Variants in CAMK2G observed in about 807,000 individuals in gnomAD.
The protein encoded by CAMK2G is calcium/calmodulin-dependent protein kinase type II subunit gamma.
Under a neutral mutation model 88.7 loss-of-function variants are expected in CAMK2G, and 23 were observed. That is an observed-to-expected ratio of 0.26 (90% CI 0.19 to 0.37). The LOEUF (loss-of-function observed/expected upper bound fraction) is 0.37, where lower values mean the gene tolerates loss of function less well. Among genes scored for constraint, CAMK2G ranks in the 10% least tolerant of loss-of-function variants. CAMK2G has a pLI of 1.00. For missense variants in CAMK2G, 476 were observed against 780.8 expected (o/e 0.61, Z 4.65); for synonymous variants, 263 against 294.8 (o/e 0.89, Z 1.11).
chr10:73,849,158 A>G (rs759912303), intron 6 of CAMK2G, 43 bp from the exon 7 acceptor site: 2 of 1,583,668 alleles, frequency 1.3e-6, no homozygotes, highest in East Asian at 4.5e-5. Context: ...CCCACCCTGC[A>G]GCCCAGAGGA....
rs1213329237 is a variant in CAMK2G, at chr10:73,848,108, G to A, written c.602-26C>T. On this transcript the variant is annotated intron_variant, in intron 8 of 22. Coordinates refer to ENST00000423381, the MANE Select transcript of CAMK2G (RefSeq NM_001367534.1). The surrounding 1 kb of genome is among the most constrained non-coding windows in gnomAD (Gnocchi z 4.5). ...CTACGAGACAGAACACACAGGTCATGGGGGTCAGTCGCCTACTTCCCTGAG... is the reference window on the plus strand; with the variant it reads ...CTACGAGACAGAACACACAGGTCATAGGGGTCAGTCGCCTACTTCCCTGAG... 7.2e-7 allele frequency: 1 copy of A among 1,391,056 alleles called. No homozygotes were observed. The highest frequency in any genetic ancestry group is 2.3e-5 in the East Asian group (1 of 43,838). The allele number at this position is 1,391,056 out of a possible 1,614,324, so 86.2% of individuals were successfully genotyped here. A position where few individuals can be genotyped will look rare whatever the true frequency, so the allele number is the denominator to read the frequency against.
At chr10:73,837,253 G>C (rs2093339025) in intron 14 of CAMK2G, 2 of 621,504 alleles carry the variant, frequency 3.2e-6, no homozygotes, top group East Asian at 2.7e-5. Context: ...CACTTCCCCT[G>C]AGTCATTCCC....
chr10:73,860,995 T>C (rs1481742195), intron 2 of CAMK2G, 106 bp from the exon 3 acceptor site: 1 of 805,642 alleles, frequency 1.2e-6, no homozygotes, highest in East Asian at 2.5e-5. Flanking sequence ...GCATTTGTGA[T>C]GATTTGCTGA....
intron 14 of CAMK2G, among the ~76,000 whole-genome samples, chr10:73,833,421 T>TTA (rs1224924402): frequency 2.0e-5 from 3 of 152,160 alleles, no homozygotes; most frequent in Non-Finnish European, 2.9e-5. Flanking sequence ...ACACAGGCTG[T>TTA]TTTAGAAAGG....
intron 15 of CAMK2G, 80 bp downstream of exon 15, chr10:73,828,009 C>G: frequency 1.1e-5 from 12 of 1,105,112 alleles, no homozygotes; most frequent in Non-Finnish European, 1.7e-5. Context: ...GGCACACGCA[C>G]GTGGCAGAAC....
At chr10:73,837,684 T>C (rs2093382873) in intron 13 of CAMK2G, among the ~76,000 whole-genome samples, 173 bp from the exon 14 acceptor site, 1 of 151,966 alleles carries the variant, frequency 6.6e-6, no homozygotes, top group South Asian at 2.1e-4. Flanking sequence ...GGATCTTGAG[T>C]GGCGTCAGAG....
At chr10:73,865,663 G>A (rs558522947) in intron 2 of CAMK2G, among the ~76,000 whole-genome samples, 12 of 152,292 alleles carry the variant, frequency 7.9e-5, no homozygotes, top group Admixed American at 2.6e-4. Context: ...CCAGCTGGAC[G>A]CAGCATCTCC....
intron 3 of CAMK2G, among the ~76,000 whole-genome samples, chr10:73,856,732 T>G (rs1005271066): frequency 2.0e-5 from 3 of 152,216 alleles, no homozygotes; most frequent in Non-Finnish European, 4.4e-5. Flanking sequence ...GAAAGGAGTA[T>G]AAAGCATTTA....
At position 73,815,199 on chromosome 10, in the gene CAMK2G, T is replaced by A. The variant is rs745503479; in HGVS notation, c.1583A>T (p.His528Leu). ...TGCGTCCTCCCCAATCACGTGGACG[T>A]GTGGGTTTAGGATGGTGGTATGGAT... ...KPIHTTILNPHVHVIGEDAAC... is the reference protein window; with the variant it reads ...KPIHTTILNPLVHVIGEDAAC... The change falls in exon 22 of 23, where the codon CAC (histidine) becomes CTC (leucine). Residue 528 changes from histidine (H) to leucine (L), a missense_variant. Transcript: ENST00000423381. 2 of 1,614,210 alleles carry A rather than the reference T, an allele frequency of 1.2e-6. No homozygotes were observed. Among genetic ancestry groups the A allele is most frequent in the Non-Finnish European group, 1.7e-6 (2 of 1,180,008 alleles).
Position 73,848,770 on chromosome 10 carries a change from G to A in CAMK2G, c.518-161C>T, listed in dbSNP as rs78898224. 7.9e-5 allele frequency among the ~76,000 whole-genome samples: 12 copies of A among 152,368 alleles called. No individual in the cohort carries two copies. The East Asian group carries it at 1.2e-3, about 15-fold the overall frequency. ...GCTGACAGGCTGGGCTTCTTGTAGCGCCTGGAATCTGAACCAGACGGCAAA... is the reference window on the plus strand; with the variant it reads ...GCTGACAGGCTGGGCTTCTTGTAGCACCTGGAATCTGAACCAGACGGCAAA... On this transcript the variant is annotated intron_variant, in intron 7 of 22. Coordinates refer to ENST00000423381, the MANE Select transcript of CAMK2G (RefSeq NM_001367534.1). This position sits in a 1 kb window ranked among gnomAD's most constrained non-coding sequence, Gnocchi z 4.5.
At chr10:73,869,468 C>T (rs1253465229) in intron 2 of CAMK2G, among the ~76,000 whole-genome samples, 1 of 152,238 alleles carries the variant, frequency 6.6e-6, no homozygotes, top group African/African-American at 2.4e-5. Flanking sequence ...TGCAGCTTGG[C>T]TCCCTGGATC....
chr10:73,815,080 G>C lies in CAMK2G; in HGVS notation c.1702C>G (p.Arg568Gly). 1 of 1,614,160 alleles carries C rather than the reference G, an allele frequency of 6.2e-7. No homozygotes were observed. Among genetic ancestry groups the C allele is most frequent in the Non-Finnish European group, 8.5e-7 (1 of 1,180,040 alleles). Residue 568 changes from arginine to glycine, a missense_variant, in exon 22 of 23, where the codon CGG becomes GGG. This residue lies in a region of CAMK2G where 278 missense variants were observed against 366.5 expected (regional missense o/e 0.76). Transcript: ENST00000423381. The stretch of plus-strand genomic sequence containing the variant: ...TGGACATTGAGCCACTTGCCATCCC[G>C]ACGGTGCCAGACCCGGGTCTCTTCT... ...QSEETRVWHR[R>G]DGKWLNVHYH...
rs547824559 is a variant in CAMK2G, at chr10:73,873,144, T to C, written c.66-61A>G. On this transcript the variant is annotated intron_variant, in intron 1 of 22. Transcript: ENST00000423381. Reference sequence around the variant, plus strand: ...GCAGGGCAGAGTGACACAGACACACTTCAAGTCTGGGGACGATGATGCTCC... The same window carrying C: ...GCAGGGCAGAGTGACACAGACACACCTCAAGTCTGGGGACGATGATGCTCC... The C allele has an allele frequency of 1.6e-4, 191 of 1,224,550 alleles. 4 individuals carry two copies. The South Asian group carries it at 2.2e-3, about 14-fold the overall frequency. 75.9% of individuals were successfully genotyped at this position (1,224,550 alleles called of 1,614,324 possible).
intron 3 of CAMK2G, among the ~76,000 whole-genome samples, chr10:73,858,945 CGCGGGTGATGTGGACATGGTTCT>C (rs1472785514): frequency 6.6e-6 from 1 of 152,260 alleles, no homozygotes; most frequent in Non-Finnish European, 1.5e-5. Flanking sequence ...CCGCCCGCAT[CGCGGGTGATGTGGACATGGTTCT>C]GCTTCCTGCA....
chr10:73,844,318 C>T lies in CAMK2G; in HGVS notation c.820-1777G>A, dbSNP rs550880955. ...GTTGCCCAGGCTGGTCTCAAACTTC[C>T]GGGCTCAAGTGATCTACCTACCCTG... On this transcript the variant is annotated intron_variant, in intron 10 of 22. Transcript: ENST00000423381. 1.5e-4 allele frequency among the ~76,000 whole-genome samples: 23 copies of T among 151,822 alleles called. No homozygotes were observed. The East Asian group carries it at 3.5e-3, about 23-fold the overall frequency.
intron 16 of CAMK2G, among the ~76,000 whole-genome samples, chr10:73,824,590 C>T (rs2090286194): frequency 6.6e-6 from 1 of 152,244 alleles, no homozygotes; most frequent in Admixed American, 6.5e-5. Flanking sequence ...CCGCCTTCTG[C>T]CTTCCCTAGT....
chr10:73,860,165 T>A (rs924741455), intron 3 of CAMK2G, among the ~76,000 whole-genome samples: 4 of 152,180 alleles, frequency 2.6e-5, no homozygotes, highest in African/African-American at 7.2e-5. Context: ...CCATTTCAGC[T>A]GAACAAAGTA....
At position 73,842,393 on chromosome 10, in the gene CAMK2G, G is replaced by T. The variant is rs970701721; in HGVS notation, c.903+65C>A. 5.3e-6 allele frequency: 7 copies of T among 1,312,804 alleles called. No homozygotes were observed. Among genetic ancestry groups the T allele is most frequent in the Non-Finnish European group, 6.6e-6 (6 of 905,216 alleles). 81.3% of individuals were successfully genotyped at this position (1,312,804 alleles called of 1,614,324 possible). A position where few individuals can be genotyped will look rare whatever the true frequency, so the allele number is the denominator to read the frequency against. On this transcript the variant is annotated intron_variant, in intron 11 of 22. Transcript: ENST00000423381. This position sits in a 1 kb window ranked among gnomAD's most constrained non-coding sequence, Gnocchi z 4.6. ...GGAGGGGAGCTTCCTTCTGAAATGGGGCAGGAGCCACACTGGTGCAAGGCA... is the reference window on the plus strand; with the variant it reads ...GGAGGGGAGCTTCCTTCTGAAATGGTGCAGGAGCCACACTGGTGCAAGGCA...
intron 10 of CAMK2G, among the ~76,000 whole-genome samples, chr10:73,844,477 G>A (rs1590670397): frequency 6.6e-6 from 1 of 151,916 alleles, no homozygotes; most frequent in Non-Finnish European, 1.5e-5. Context: ...TCATTATCTT[G>A]GCTCACTGCA....
Sources: gnomAD v4.1 joint callset for allele counts (sites outside exome capture counted in the v4.1 genomes callset) on GRCh38, gnomAD v4.1.1 for gene constraint, gnomAD v4.1.1 regional missense constraint, Gnocchi (gnomAD v3.1) non-coding constraint, MANE v1.5 for transcripts, NCBI Gene and HGNC (gene_info 2026-07-23, HGNC 2026-07-21) for gene names.